KIAA1671: variants seen among roughly 807,000 people sequenced by gnomAD.
KIAA1671 encodes KIAA1671.
In KIAA1671, 52 loss-of-function variants were observed where a neutral mutation model predicts 131.2. That is an observed-to-expected ratio of 0.40 (90% CI 0.32 to 0.50). The LOEUF (loss-of-function observed/expected upper bound fraction) is 0.50, where lower values mean the gene tolerates loss of function less well. Among genes scored for constraint, KIAA1671 ranks in the 20% least tolerant of loss-of-function variants. KIAA1671 has a pLI of 0.73. For synonymous variants in KIAA1671, 1,003 were observed against 961.6 expected (o/e 1.04, Z -0.80); for missense variants, 2,360 against 2,364.2 (o/e 1.00, Z 0.04).
intron 1 of KIAA1671, among the ~76,000 whole-genome samples, chr22:25,017,275 C>A (rs1453989994): frequency 6.6e-6 from 1 of 152,146 alleles, no homozygotes; most frequent in Non-Finnish European, 1.5e-5. Flanking sequence ...CCCAGCTACC[C>A]AGGAGGCTGA....
At chr22:24,978,066 T>C (rs1020702280) in intron 1 of KIAA1671, among the ~76,000 whole-genome samples, 1 of 152,158 alleles carries the variant, frequency 6.6e-6, no homozygotes, top group Non-Finnish European at 1.5e-5. Context: ...AGTCACTTTA[T>C]ACTGGTTAAC....
intron 6 of KIAA1671, among the ~76,000 whole-genome samples, chr22:25,093,860 C>CTCTCTG (rs1568951733): frequency 6.2e-5 from 8 of 129,498 alleles, no homozygotes; most frequent in African/African-American, 1.7e-4. Flanking sequence ...CTCTCTCTCT[C>CTCTCTG]TCTCTCTCTC....
chr22:24,953,787 C>G (rs1921547944), intron 1 of KIAA1671, among the ~76,000 whole-genome samples: 1 of 152,214 alleles, frequency 6.6e-6, no homozygotes, highest in Non-Finnish European at 1.5e-5. Flanking sequence ...GCCTAGGTGG[C>G]TAGGGCTTCC....
At chr22:25,180,255 A>G (rs1040992892) in intron 9 of KIAA1671, among the ~76,000 whole-genome samples, 1 of 152,238 alleles carries the variant, frequency 6.6e-6, no homozygotes, top group African/African-American at 2.4e-5. Context: ...TTTAAGAAGA[A>G]ACAGGCAGGG....
intron 6 of KIAA1671, among the ~76,000 whole-genome samples, chr22:25,111,293 A>AGGGCACAGGGGTGGGTAGGCTGGC (rs1330932291): frequency 6.6e-6 from 1 of 152,202 alleles, no homozygotes; most frequent in African/African-American, 2.4e-5. Flanking sequence ...GCTTGCTGTG[A>AGGGCACAGGGGTGGGTAGGCTGGC]GGGCACAGGG....
In KIAA1671 at chr22:25,170,759, C is replaced by T. The variant is rs368424713; in HGVS notation, c.4531-61C>T. On this transcript the variant is annotated intron_variant, in intron 6 of 12. Transcript: ENST00000358431. ...CATGCGATCTGATTTGTGTGTCAGC[C>T]GGGACGGGGGTTCTGAGTACATTTC... is the stretch of plus-strand genomic sequence containing the variant. 133 of 1,492,376 alleles carry T rather than the reference C, an allele frequency of 8.9e-5. No homozygotes were observed. In the African/African-American group the frequency reaches 1.0e-3, roughly 11 times the overall value. The allele number at this position is 1,492,376 out of a possible 1,614,324, so 92.4% of individuals were successfully genotyped here. A position where few individuals can be genotyped will look rare whatever the true frequency, so the allele number is the denominator to read the frequency against.
rs1324671566 is a variant in KIAA1671, at chr22:25,150,836, C to CTTTTTTTTTTTTTTTTTT, written c.4531-19970_4531-19969insTTTTTTTTTTTTTTTTTT. ...TTATGACTGTGTTCTGGGTCCTTTGCTTTTTTTTTTTTTTGAGATGGAGTC... is the reference window on the plus strand; with the variant it reads ...TTATGACTGTGTTCTGGGTCCTTTGCTTTTTTTTTTTTTTTTTTTTTTTTTTTTTTTTGAGATGGAGTC... On this transcript the variant is annotated intron_variant, in intron 6 of 12. Transcript: ENST00000358431. Among the ~76,000 whole-genome samples, 76 of 125,916 alleles carry CTTTTTTTTTTTTTTTTTT rather than the reference C, an allele frequency of 6.0e-4. 2 individuals carry two copies. The highest frequency in any genetic ancestry group is 7.8e-4 in the Non-Finnish European group (47 of 60,128). The allele number at this position is 125,916 out of a possible 152,430, so 82.6% of individuals were successfully genotyped here.
chr22:24,994,383 C>A (rs995264254), intron 1 of KIAA1671, among the ~76,000 whole-genome samples: 2 of 152,166 alleles, frequency 1.3e-5, no homozygotes, highest in African/African-American at 4.8e-5. Flanking sequence ...CCTTGGGGAA[C>A]AGCTGGGGCT....
chr22:25,171,921 G>A (rs1330821406), intron 7 of KIAA1671, among the ~76,000 whole-genome samples: 1 of 152,090 alleles, frequency 6.6e-6, no homozygotes, highest in Non-Finnish European at 1.5e-5. Flanking sequence ...TGTCCTGCAT[G>A]TGACCAATGG....
rs1926040531 is a variant in KIAA1671 at position 25,027,945 on chromosome 22, C to T, written c.-55C>T. On this transcript the variant is annotated splice_region_variant and 5_prime_UTR_variant, in exon 3 of 13. It introduces an in-frame stop codon into an upstream open reading frame of the 5' UTR. Coordinates refer to ENST00000358431, the MANE Select transcript of KIAA1671 (RefSeq NM_001145206.2). ...TTGTTTGTTTGTTTTGTTTGTTTAG[C>T]AATTGCTTCTCCATTCTTGAAGTTC... The T allele has an allele frequency of 7.8e-7, 1 of 1,275,096 alleles. No individual in the cohort carries two copies. Among genetic ancestry groups the T allele is most frequent in the Non-Finnish European group, 1.1e-6 (1 of 939,426 alleles). The allele number at this position is 1,275,096 out of a possible 1,614,324, so 79.0% of individuals were successfully genotyped here.
chr22:25,037,750 T>A (rs925170920), intron 4 of KIAA1671, among the ~76,000 whole-genome samples: 2 of 152,052 alleles, frequency 1.3e-5, no homozygotes, highest in African/African-American at 4.8e-5. Context: ...ATAAATGGAG[T>A]CTTATATAGC....
chr22:24,956,351 G>A (rs1445430929), intron 1 of KIAA1671, among the ~76,000 whole-genome samples: 1 of 152,196 alleles, frequency 6.6e-6, no homozygotes, highest in African/African-American at 2.4e-5. Context: ...GGGAGACATG[G>A]GGCACATTAT....
At chr22:25,188,413 T>C (rs773086639) in intron 11 of KIAA1671, among the ~76,000 whole-genome samples, 1 of 151,890 alleles carries the variant, frequency 6.6e-6, no homozygotes, top group Non-Finnish European at 1.5e-5. Flanking sequence ...GGCATTGTAT[T>C]GTTCAGAGTT....
At chr22:25,160,561 C>T (rs573917817) in intron 6 of KIAA1671, among the ~76,000 whole-genome samples, 11 of 152,282 alleles carry the variant, frequency 7.2e-5, no homozygotes, top group Non-Finnish European at 1.3e-4. Flanking sequence ...CCACACCAGG[C>T]TTGCACCAAC....
rs57519039 is a variant in KIAA1671, at chr22:24,973,389, G to GTTTTTTT, written c.-208+20638_-208+20644dup. ...TACAGACCCCAAACTGCATATGATGGTTTTTTTTTTTTTTTTTTTTTTTTT... is the reference window on the plus strand; with the variant it reads ...TACAGACCCCAAACTGCATATGATGGTTTTTTTTTTTTTTTTTTTTTTTTTTTTTTTT... On this transcript the variant is annotated intron_variant, in intron 1 of 12. Transcript: ENST00000358431. 4.2e-4 allele frequency among the ~76,000 whole-genome samples: 30 copies of GTTTTTTT among 71,688 alleles called. 6 individuals are homozygous for GTTTTTTT. Among genetic ancestry groups the GTTTTTTT allele is most frequent in the African/African-American group, 1.2e-3 (21 of 18,038 alleles). 47.0% of individuals were successfully genotyped at this position (71,688 alleles called of 152,430 possible).
intron 6 of KIAA1671, among the ~76,000 whole-genome samples, chr22:25,149,913 C>G (rs890537795): frequency 2.0e-5 from 3 of 152,192 alleles, no homozygotes; most frequent in Admixed American, 6.5e-5. Context: ...CTCCAGGAAG[C>G]CTTCCCTGAC....
At chr22:25,099,715 A>G (rs899274962) in intron 6 of KIAA1671, among the ~76,000 whole-genome samples, 6 of 152,020 alleles carry the variant, frequency 3.9e-5, no homozygotes, top group Non-Finnish European at 7.4e-5. Context: ...GGGTTTCACC[A>G]TGTTGGTCAG....
intron 1 of KIAA1671, among the ~76,000 whole-genome samples, chr22:25,018,906 T>C (rs774256856): frequency 8.5e-5 from 13 of 152,184 alleles, no homozygotes; most frequent in Non-Finnish European, 1.9e-4. Context: ...GGGGGTATAC[T>C]CTTAGGAGTA....
At chr22:25,135,102 T>TG (rs1932614978) in intron 6 of KIAA1671, among the ~76,000 whole-genome samples, 1 of 152,132 alleles carries the variant, frequency 6.6e-6, no homozygotes, top group East Asian at 1.9e-4. Context: ...CCCATCTCAT[T>TG]TAGTTTATAT....
Sources: gnomAD v4.1 joint callset for allele counts (sites outside exome capture counted in the v4.1 genomes callset) on GRCh38, gnomAD v4.1.1 for gene constraint, MANE v1.5 for transcripts, NCBI Gene and HGNC (gene_info 2026-07-23, HGNC 2026-07-21) for gene names.